MTBP: variants seen among roughly 807,000 people sequenced by gnomAD.
MTBP encodes the protein MDM2 binding protein, also known as mdm2-binding protein.
Under a neutral mutation model 117.0 loss-of-function variants are expected in MTBP, and 101 were observed. The observed-to-expected ratio is 0.86, with a 90% CI of 0.73 to 1.02. MTBP has a LOEUF of 1.02. MTBP is among the 50% of genes least tolerant of loss of function. The probability of loss-of-function intolerance (pLI) is 0.00; values close to 1 mark genes in which losing one functional copy is unlikely to be tolerated. For missense variants in MTBP, 970 were observed against 1,030.9 expected (o/e 0.94, Z 0.81); for synonymous variants, 350 against 351.5 (o/e 1.00, Z 0.05).
At chr8:120,456,781 C>T in intron 7 of MTBP, 111 bp downstream of exon 7, 2 of 696,502 alleles carry the variant, frequency 2.9e-6, no homozygotes, top group South Asian at 3.2e-5. Context: ...TCTAGAATAG[C>T]ACTAAGTAGA....
chr8:120,484,831 C>G (rs1268693927), intron 11 of MTBP, among the ~76,000 whole-genome samples: 1 of 152,094 alleles, frequency 6.6e-6, no homozygotes, highest in Admixed American at 6.6e-5. Flanking sequence ...TTCCTCCTCC[C>G]TACCCCTAAG....
At chr8:120,471,834 C>T (rs1007070231) in intron 11 of MTBP, 1 of 152,156 alleles carries the variant, frequency 6.6e-6, no homozygotes, top group African/African-American at 2.4e-5. Flanking sequence ...CTCTTTACCA[C>T]TACACTGTGT....
chr8:120,461,376 T>C (rs1813580094), intron 9 of MTBP, 121 bp downstream of exon 9: 9 of 688,732 alleles, frequency 1.3e-5, no homozygotes, highest in South Asian at 2.3e-5. Flanking sequence ...ACTGTTTTAA[T>C]GTTGATGTTC....
At chr8:120,490,756 C>T (rs139161751) in intron 13 of MTBP, 186 bp downstream of exon 13, 133 of 454,106 alleles carry the variant, frequency 2.9e-4, no homozygotes, top group African/African-American at 2.4e-3. Context: ...CAGAATATTT[C>T]TGTTTATTTG....
At chr8:120,453,641 A>G (rs540720507) in intron 4 of MTBP, among the ~76,000 whole-genome samples, 8 of 149,326 alleles carry the variant, frequency 5.4e-5, no homozygotes, top group Admixed American at 1.3e-4. Flanking sequence ...CATACTAATT[A>G]TGTAACTTTA....
In MTBP at chr8:120,518,058, A is replaced by G. The variant is rs781186045; in HGVS notation, c.2454A>G (p.Thr818=). ...AAAAAAGTATGCATGAATCAAAAACATCAAGGCAAATTAAGGAATCAAGAT... is the reference window on the plus strand; with the variant it reads ...AAAAAAGTATGCATGAATCAAAAACGTCAAGGCAAATTAAGGAATCAAGAT... ...SGQKSMHESK[T]SRQIKESRSQ... The change falls in exon 19 of 22, where the codon ACA becomes ACG. Residue 818 remains threonine (T), a synonymous_variant. Transcript: ENST00000305949. 1.2e-6 allele frequency: 2 copies of G among 1,612,694 alleles called. No individual in the cohort carries two copies. Among genetic ancestry groups the G allele is most frequent in the Non-Finnish European group, 1.7e-6 (2 of 1,179,046 alleles).
At chr8:120,506,161 A>G (rs1814681040) in intron 15 of MTBP, among the ~76,000 whole-genome samples, 1 of 152,172 alleles carries the variant, frequency 6.6e-6, no homozygotes, top group Admixed American at 6.5e-5. Context: ...TTTCAGGTAT[A>G]TAATAATGAT....
chr8:120,487,293 C>T (rs1040585069), intron 11 of MTBP, among the ~76,000 whole-genome samples: 6 of 152,078 alleles, frequency 3.9e-5, no homozygotes, highest in Non-Finnish European at 5.9e-5. Flanking sequence ...CTCTTGAGGA[C>T]GCGTGTATAA....
At chr8:120,486,354 C>A (rs931528842) in intron 11 of MTBP, among the ~76,000 whole-genome samples, 1 of 152,116 alleles carries the variant, frequency 6.6e-6, no homozygotes, top group Admixed American at 6.6e-5. Context: ...TGGGCAAAAT[C>A]TCTGAGCCAC....
intron 11 of MTBP, among the ~76,000 whole-genome samples, chr8:120,480,105 C>A (rs1021354596): frequency 6.6e-6 from 1 of 151,888 alleles, no homozygotes; most frequent in African/African-American, 2.4e-5. Context: ...TTGGAAAACT[C>A]AGTATTATTA....
At chr8:120,487,697 T>A (rs1814248156) in intron 11 of MTBP, among the ~76,000 whole-genome samples, 1 of 152,202 alleles carries the variant, frequency 6.6e-6, no homozygotes, top group Non-Finnish European at 1.5e-5. Flanking sequence ...ATGCTCTCCA[T>A]TCCCTCTGTA....
chr8:120,461,602 T>C (rs1454169337), intron 9 of MTBP, among the ~76,000 whole-genome samples: 2 of 152,168 alleles, frequency 1.3e-5, no homozygotes, highest in Non-Finnish European at 2.9e-5. Context: ...ATTATAATGT[T>C]CTCTGCTTGA....
chr8:120,471,088 A>T (rs1372419684), intron 11 of MTBP, 151 bp downstream of exon 11: 3 of 564,880 alleles, frequency 5.3e-6, no homozygotes, highest in East Asian at 5.9e-5. Context: ...TAAGATTTTT[A>T]ATTGCAACCT....
chr8:120,489,454 A>G (rs991808088), intron 12 of MTBP, among the ~76,000 whole-genome samples: 1 of 152,186 alleles, frequency 6.6e-6, no homozygotes, highest in African/African-American at 2.4e-5. Context: ...TATTTGTTAC[A>G]TAGTGTGAAG....
intron 13 of MTBP, among the ~76,000 whole-genome samples, chr8:120,493,370 T>C (rs972776751): frequency 6.6e-6 from 1 of 152,156 alleles, no homozygotes; most frequent in Admixed American, 6.5e-5. Context: ...ATCATTAAGG[T>C]CAATATGGAT....
intron 11 of MTBP, among the ~76,000 whole-genome samples, chr8:120,487,232 A>G (rs925777396): frequency 6.6e-6 from 1 of 152,170 alleles, no homozygotes; most frequent in African/African-American, 2.4e-5. Context: ...CTCTGTTCCT[A>G]TTCCAGCTTC....
chr8:120,520,563 T>A (rs1043655470), intron 20 of MTBP, among the ~76,000 whole-genome samples: 1 of 152,094 alleles, frequency 6.6e-6, no homozygotes, highest in Non-Finnish European at 1.5e-5. Context: ...TCCTAGCTTG[T>A]CCAAGCCAAT....
rs551459807 is a variant in MTBP at position 120,505,106 on chromosome 8, G to A, written c.1728-1600G>A. Among the ~76,000 whole-genome samples, 5 of 151,852 alleles carry A rather than the reference G, an allele frequency of 3.3e-5. No homozygotes were observed. The East Asian group carries it at 7.7e-4, about 24-fold the overall frequency. ...ATGTGTAATTTTTCTCCAGTGTCTG[G>A]TTGTCCTTGATTGTCTCTTCATAAC... On this transcript the variant is annotated intron_variant, in intron 15 of 21. Transcript: ENST00000305949.
intron 7 of MTBP, among the ~76,000 whole-genome samples, chr8:120,457,349 T>C (rs569015619): frequency 1.3e-5 from 2 of 152,294 alleles, no homozygotes; most frequent in South Asian, 2.1e-4. Context: ...TTTTTGTAGA[T>C]AGGCAAAACT....
Sources: gnomAD v4.1 joint callset for allele counts (sites outside exome capture counted in the v4.1 genomes callset) on GRCh38, gnomAD v4.1.1 for gene constraint, MANE v1.5 for transcripts, NCBI Gene and HGNC (gene_info 2026-07-23, HGNC 2026-07-21) for gene names.